Variants in TOMM70 observed in about 807,000 individuals in gnomAD.
TOMM70 encodes the protein mitochondrial import receptor subunit TOM70.
Under a neutral mutation model 73.6 loss-of-function variants are expected in TOMM70, and 13 were observed. The ratio of observed to expected loss-of-function variants is 0.18; its 90% CI spans 0.11 to 0.28. TOMM70 has a LOEUF of 0.28. TOMM70 is among the 10% of genes least tolerant of loss of function. The pLI is 1.00. For synonymous variants in TOMM70, 257 were observed against 271.2 expected (o/e 0.95, Z 0.51); for missense variants, 609 against 747.5 (o/e 0.81, Z 2.16).
intron 7 of TOMM70, 52 bp downstream of exon 7, chr3:100,374,966 G>T (rs1706546357): frequency 2.7e-6 from 4 of 1,457,108 alleles, no homozygotes; most frequent in South Asian, 1.5e-5. Flanking sequence ...CTCAAAAATG[G>T]TATCAAAGCT....
intron 5 of TOMM70, among the ~76,000 whole-genome samples, chr3:100,381,381 G>A (rs1706632066): frequency 6.6e-6 from 1 of 152,076 alleles, no homozygotes; most frequent in African/African-American, 2.4e-5. Context: ...AGTAAAAGCA[G>A]GGTAGACTCC....
At chr3:100,377,051 GGAGA>G (rs1706573483) in intron 6 of TOMM70, among the ~76,000 whole-genome samples, 1 of 152,134 alleles carries the variant, frequency 6.6e-6, no homozygotes, top group Admixed American at 6.5e-5. Context: ...ATATAGGAGA[GGAGA>G]GAGGCTACAG....
At chr3:100,391,178 C>T (rs1706756893) in intron 1 of TOMM70, among the ~76,000 whole-genome samples, 1 of 151,928 alleles carries the variant, frequency 6.6e-6, no homozygotes, top group Non-Finnish European at 1.5e-5. Context: ...ATGTATAGTA[C>T]ATATACTTGA....
At chr3:100,366,772 C>A (rs1448756999) in intron 11 of TOMM70, among the ~76,000 whole-genome samples, 5 of 152,182 alleles carry the variant, frequency 3.3e-5, no homozygotes, top group African/African-American at 1.2e-4. Context: ...TTAGTTAACC[C>A]AGGATCTATG....
chr3:100,373,374 G>C (rs933972462), intron 8 of TOMM70, among the ~76,000 whole-genome samples, 164 bp downstream of exon 8: 1 of 152,146 alleles, frequency 6.6e-6, no homozygotes, highest in Non-Finnish European at 1.5e-5. Context: ...CAAATGTCCA[G>C]AGAAATACAA....
At chr3:100,368,438 G>GT (rs1206239326) in intron 10 of TOMM70, among the ~76,000 whole-genome samples, 2 of 152,088 alleles carry the variant, frequency 1.3e-5, no homozygotes, top group African/African-American at 4.8e-5. Flanking sequence ...TTTAAGTGAA[G>GT]TTTCTTAGGA....
intron 1 of TOMM70, among the ~76,000 whole-genome samples, chr3:100,398,380 T>C (rs1368764880): frequency 4.7e-5 from 5 of 106,392 alleles, no homozygotes; most frequent in East Asian, 3.0e-4. Flanking sequence ...TTAGACGCTG[T>C]CTCAAAAAAA....
At chr3:100,388,442 A>G (rs1437517249) in intron 1 of TOMM70, among the ~76,000 whole-genome samples, 3 of 152,186 alleles carry the variant, frequency 2.0e-5, no homozygotes, top group African/African-American at 7.2e-5. Context: ...GTGGCCAGGT[A>G]CCATGGCACA....
chr3:100,399,106 A>AC (rs1189832645), intron 1 of TOMM70, among the ~76,000 whole-genome samples: 2 of 152,126 alleles, frequency 1.3e-5, no homozygotes, highest in East Asian at 3.9e-4. Context: ...ACACAGTGAA[A>AC]CCCCGTCTCT....
In TOMM70 at chr3:100,401,023, C is replaced by G. The variant is rs1706896431; in HGVS notation, c.-74G>C. ...TCACCAAACAGCGTGCGAAGGAAGACCGAGGGAGGGAAGGAAAGCAATGAG... is the reference window on the plus strand; with the variant it reads ...TCACCAAACAGCGTGCGAAGGAAGAGCGAGGGAGGGAAGGAAAGCAATGAG... On this transcript the variant is annotated 5_prime_UTR_variant, in exon 1 of 12. Coordinates refer to ENST00000284320, the MANE Select transcript of TOMM70 (RefSeq NM_014820.5). The G allele has an allele frequency of 9.1e-6, 13 of 1,433,182 alleles. No homozygotes were observed. The highest frequency in any genetic ancestry group is 1.2e-5 in the Non-Finnish European group (13 of 1,061,786). The allele number at this position is 1,433,182 out of a possible 1,614,324, so 88.8% of individuals were successfully genotyped here. A position where few individuals can be genotyped will look rare whatever the true frequency, so the allele number is the denominator to read the frequency against.
intron 1 of TOMM70, among the ~76,000 whole-genome samples, chr3:100,388,664 A>C (rs1455818679): frequency 6.6e-6 from 1 of 152,194 alleles, no homozygotes; most frequent in Non-Finnish European, 1.5e-5. Flanking sequence ...CCCATAAAAA[A>C]AGAGGCCCCC....
chr3:100,381,624 A>C lies in TOMM70; in HGVS notation c.875T>G (p.Val292Gly), dbSNP rs1324774453. 6.2e-7 allele frequency: 1 copy of C among 1,612,380 alleles called. No homozygotes were observed. Among genetic ancestry groups the C allele is most frequent in the Non-Finnish European group, 8.5e-7 (1 of 1,179,178 alleles). The change falls in exon 5 of 12, where the codon GTG becomes GGG. Residue 292 changes from valine to glycine, a missense_variant. Around this residue, in one of 2 missense-constraint regions of TOMM70, gnomAD observed 432 missense variants for 584.1 expected, o/e 0.74. Coordinates refer to ENST00000284320, the MANE Select transcript of TOMM70 (RefSeq NM_014820.5). ...DKDKEGEALE[V>G]KENSGYLKAK... is the part of the protein sequence containing the mutation. ...TGCTTGACATACTTACTTTTCTTTC[A>C]CTTCTAAAGCCTCCCCTTCCTTGTC... is the stretch of plus-strand genomic sequence containing the variant.
Position 100,400,769 on chromosome 3 carries a change from G to A in TOMM70, c.181C>T (p.Arg61Trp), listed in dbSNP as rs372350246. 3.2e-6 allele frequency: 5 copies of A among 1,581,676 alleles called. No individual in the cohort carries two copies. Among genetic ancestry groups the A allele is most frequent in the African/African-American group, 2.7e-5 (2 of 74,288 alleles). The change falls in exon 1 of 12, where the codon CGG becomes TGG. Residue 61 changes from arginine to tryptophan, a missense_variant. Transcript: ENST00000284320. Reference sequence around the variant, plus strand: ...CTGGCCTCCCGGCGCCGTTGCTGCCGACTCCACAGGTATATGGCACCCGCG... The same window carrying A: ...CTGGCCTCCCGGCGCCGTTGCTGCCAACTCCACAGGTATATGGCACCCGCG... Reference protein sequence around the residue: ...LGAGAIYLWSRQQRRREARGR... With the variant: ...LGAGAIYLWSWQQRRREARGR...
At chr3:100,392,230 T>C (rs910047408) in intron 1 of TOMM70, among the ~76,000 whole-genome samples, 1 of 152,212 alleles carries the variant, frequency 6.6e-6, no homozygotes, top group African/African-American at 2.4e-5. Context: ...CATGACTATA[T>C]ATTAGGTGGT....
intron 5 of TOMM70, 56 bp downstream of exon 5, chr3:100,381,557 AGG>A (rs1690559532): frequency 6.5e-7 from 1 of 1,545,574 alleles, no homozygotes; most frequent in Non-Finnish European, 8.8e-7. Flanking sequence ...ATGGGCCCTA[AGG>A]AAAGTTCAAA....
Position 100,384,593 on chromosome 3 carries a change from A to G in TOMM70, c.626-5T>C. The G allele has an allele frequency of 6.5e-7, 1 of 1,537,840 alleles. No individual in the cohort carries two copies. Among genetic ancestry groups the G allele is most frequent in the Non-Finnish European group, 8.8e-7 (1 of 1,140,704 alleles). On this transcript the variant is annotated splice_polypyrimidine_tract_variant and splice_region_variant and intron_variant, in intron 3 of 11. Transcript: ENST00000284320. ...ATATACACACAGCAGTGACATCTAG[A>G]AATGATGAAAAACACAAGGGTAAAT...
intron 3 of TOMM70, 31 bp downstream of exon 3, chr3:100,386,186 AT>A (rs1706690080): frequency 1.3e-6 from 2 of 1,591,230 alleles, no homozygotes; most frequent in Non-Finnish European, 1.7e-6. Flanking sequence ...ATATTAAGTA[AT>A]TTTCATATGT....
chr3:100,365,778 G>A, intron 11 of TOMM70, 61 bp from the exon 12 acceptor site: 1 of 1,576,060 alleles, frequency 6.3e-7, no homozygotes, highest in African/African-American at 1.3e-5. Context: ...TTCAATGAAG[G>A]TTGTAAGTGA....
intron 1 of TOMM70, among the ~76,000 whole-genome samples, chr3:100,397,794 C>A (rs184195875): frequency 6.6e-6 from 1 of 151,924 alleles, no homozygotes; most frequent in East Asian, 1.9e-4. Context: ...GAGGCTGAGG[C>A]AGGACAATCT....
Sources: allele counts gnomAD v4.1 joint callset (sites outside exome capture counted in the v4.1 genomes callset), GRCh38; gene constraint gnomAD v4.1.1; regional missense constraint gnomAD v4.1.1; transcripts MANE v1.5; gene names NCBI Gene and HGNC (gene_info 2026-07-23, HGNC 2026-07-21).